The following CBL variants were observed in gnomAD, a reference collection of about 807,000 sequenced individuals.
CBL encodes E3 ubiquitin-protein ligase CBL.
In CBL, 45 loss-of-function variants were observed where a neutral mutation model predicts 96.9. The observed-to-expected ratio is 0.46, with a 90% CI of 0.37 to 0.60. The LOEUF (loss-of-function observed/expected upper bound fraction) is 0.60. Ranked by LOEUF, CBL falls within the 20% of genes least tolerant of loss-of-function variation. The pLI is 0.00. For synonymous variants in CBL, 420 were observed against 426.8 expected (o/e 0.98, Z 0.20); for missense variants, 1,024 against 1,143.5 (o/e 0.90, Z 1.51).
intron 2 of CBL, among the ~76,000 whole-genome samples, chr11:119,266,774 G>A (rs917130607): frequency 6.6e-6 from 1 of 152,186 alleles, no homozygotes; most frequent in Non-Finnish European, 1.5e-5. Context: ...AGGTTAGAGT[G>A]GAAGGCGAAT....
At position 119,305,508 on chromosome 11, in the gene CBL, A is replaced by G. The variant is rs1591274553; in HGVS notation, c.*5727A>G. 2 of 229,508 alleles carry G rather than the reference A, an allele frequency of 8.7e-6. No homozygotes were observed. The highest frequency in any genetic ancestry group is 8.6e-6 in the Non-Finnish European group (1 of 116,252). 14.2% of individuals were successfully genotyped at this position (229,508 alleles called of 1,614,324 possible). ...GCCTGTCTCCTCCACTCTCCTCCTC[A>G]CCCTCTCGCTCCTTCCTGTGTGAGG... is the stretch of plus-strand genomic sequence containing the variant. On this transcript the variant is annotated 3_prime_UTR_variant, in exon 16 of 16. Transcript: ENST00000264033.
At position 119,307,749 on chromosome 11, in the gene CBL, A is replaced by C. The variant is rs1038871548; in HGVS notation, c.*7968A>C. 4.5e-6 allele frequency: 1 copy of C among 220,718 alleles called. No homozygotes were observed. 13.7% of individuals were successfully genotyped at this position (220,718 alleles called of 1,614,324 possible). A position where few individuals can be genotyped will look rare whatever the true frequency, so the allele number is the denominator to read the frequency against. ...GAAATTCTTAGCCTGGGAGTGCTGG[A>C]GAGAACCTGATGCTTTCTCCAGAAT... is the stretch of plus-strand genomic sequence containing the variant. On this transcript the variant is annotated 3_prime_UTR_variant, in exon 16 of 16. Transcript: ENST00000264033.
intron 2 of CBL, among the ~76,000 whole-genome samples, chr11:119,238,801 A>C (rs999821421): frequency 6.6e-6 from 1 of 152,176 alleles, no homozygotes; most frequent in Non-Finnish European, 1.5e-5. Flanking sequence ...ACTGCACTCC[A>C]GGCTGGGCAA....
intron 1 of CBL, among the ~76,000 whole-genome samples, chr11:119,215,154 T>C (rs1245377254): frequency 6.6e-6 from 1 of 152,040 alleles, no homozygotes; most frequent in Admixed American, 6.6e-5. Context: ...GGGAAGAAGA[T>C]TGTATGCTCT....
At chr11:119,206,843 C>T (rs903067543) in intron 1 of CBL, among the ~76,000 whole-genome samples, 3 of 149,790 alleles carry the variant, frequency 2.0e-5, no homozygotes, top group Non-Finnish European at 4.4e-5. Context: ...TGGGGTGCCG[C>T]GTTTGGGGTA....
At chr11:119,235,361 C>T (rs1026910603) in intron 2 of CBL, among the ~76,000 whole-genome samples, 17 of 152,090 alleles carry the variant, frequency 1.1e-4, no homozygotes, top group Non-Finnish European at 2.2e-4. Flanking sequence ...GTGATCCGCC[C>T]GCCTTGGCCT....
At chr11:119,259,165 A>C (rs1253492495) in intron 2 of CBL, among the ~76,000 whole-genome samples, 2 of 152,084 alleles carry the variant, frequency 1.3e-5, no homozygotes, top group Admixed American at 1.3e-4. Context: ...TCACTTATCA[A>C]ATCTAGTTGT....
intron 12 of CBL, among the ~76,000 whole-genome samples, chr11:119,294,193 C>A (rs1950048376): frequency 6.6e-6 from 1 of 151,974 alleles, no homozygotes; most frequent in Admixed American, 6.6e-5. Context: ...CTTTGGGAGG[C>A]CAAGGTGGGT....
chr11:119,283,885 C>T (rs1565873750), intron 9 of CBL, among the ~76,000 whole-genome samples: 1 of 151,948 alleles, frequency 6.6e-6, no homozygotes, highest in African/African-American at 2.4e-5. Flanking sequence ...GATCCACCCG[C>T]CTCAGCCTCC....
At chr11:119,216,551 T>C (rs1949362184) in intron 1 of CBL, among the ~76,000 whole-genome samples, 1 of 151,904 alleles carries the variant, frequency 6.6e-6, no homozygotes, top group South Asian at 2.1e-4. Context: ...TTTGTATTTT[T>C]AGTAGAGATG....
intron 10 of CBL, 28 bp from the exon 11 acceptor site, chr11:119,285,161 C>G (rs751235979): frequency 6.2e-7 from 1 of 1,614,166 alleles, no homozygotes; most frequent in Admixed American, 1.7e-5. Flanking sequence ...TGGGTTTTTA[C>G]TGATTTGCTT....
In CBL at chr11:119,307,920, G is replaced by A. The variant is rs947096933; in HGVS notation, c.*8139G>A. 1.0e-5 allele frequency: 2 copies of A among 199,792 alleles called. No individual in the cohort carries two copies. Among genetic ancestry groups the A allele is most frequent in the Non-Finnish European group, 2.1e-5 (2 of 96,574 alleles). 12.4% of individuals were successfully genotyped at this position (199,792 alleles called of 1,614,324 possible). ...AATCATTCTCACCTGTAAAGAATAA[G>A]AAAAACAGAAGGTAAATATTCTTAC... On this transcript the variant is annotated 3_prime_UTR_variant, in exon 16 of 16. Coordinates refer to ENST00000264033, the MANE Select transcript of CBL (RefSeq NM_005188.4).
At chr11:119,228,076 T>G (rs138607255) in intron 1 of CBL, among the ~76,000 whole-genome samples, 2 of 152,226 alleles carry the variant, frequency 1.3e-5, no homozygotes, top group African/African-American at 4.8e-5. Context: ...TTTTTCCTAT[T>G]CTAGGAGGCG....
rs751529479 is a variant in CBL at position 119,285,335 on chromosome 11, C to G, written c.1710C>G (p.Gly570=). The G allele has an allele frequency of 4.3e-6, 7 of 1,614,142 alleles. No homozygotes were observed. The South Asian group carries it at 7.7e-5, about 18-fold the overall frequency. Reference sequence around the variant, plus strand: ...GACGCCCCTTGCCTTGTACACCAGGCGACTGTCCCTCCAGAGACAAACTGC... The same window carrying G: ...GACGCCCCTTGCCTTGTACACCAGGGGACTGTCCCTCCAGAGACAAACTGC... ...PQRRPLPCTP[G]DCPSRDKLPP... Residue 570 remains glycine (G), a synonymous_variant, in exon 11 of 16, where the codon GGC becomes GGG. Coordinates refer to ENST00000264033, the MANE Select transcript of CBL (RefSeq NM_005188.4).
At chr11:119,223,343 T>G in intron 1 of CBL, among the ~76,000 whole-genome samples, 1 of 151,138 alleles carries the variant, frequency 6.6e-6, no homozygotes, top group Non-Finnish European at 1.5e-5. Context: ...TTTTAAAATT[T>G]TTGGTTTTTA....
chr11:119,246,810 T>C (rs1949635251), intron 2 of CBL, among the ~76,000 whole-genome samples: 1 of 152,238 alleles, frequency 6.6e-6, no homozygotes, highest in African/African-American at 2.4e-5. Context: ...TAACATTTTG[T>C]ACTTTAAGAT....
At chr11:119,257,862 G>A (rs368293578) in intron 2 of CBL, among the ~76,000 whole-genome samples, 10 of 152,194 alleles carry the variant, frequency 6.6e-5, no homozygotes, top group African/African-American at 2.2e-4. Flanking sequence ...TTGGTTTTAA[G>A]TATTTGGCTT....
At chr11:119,229,097 G>T (rs188659118) in intron 1 of CBL, among the ~76,000 whole-genome samples, 50 of 152,144 alleles carry the variant, frequency 3.3e-4, no homozygotes, top group Middle Eastern at 3.4e-3. Context: ...GTTTTTGCTA[G>T]ATCTTAATCT....
Position 119,278,626 on chromosome 11 carries a change from G to C in CBL, c.1344G>C (p.Glu448Asp). 1 of 1,614,046 alleles carries C rather than the reference G, an allele frequency of 6.2e-7. No homozygotes were observed. Among genetic ancestry groups the C allele is most frequent in the Non-Finnish European group, 8.5e-7 (1 of 1,179,954 alleles). ...GCAGCCTGTTGAGGCAAGGAGCAGA[G>C]GGAGCTCCCTCCCCAAATTATGATG... Reference protein sequence around the residue: ...GSGSLLRQGAEGAPSPNYDDD... With the variant: ...GSGSLLRQGADGAPSPNYDDD... The change falls in exon 9 of 16, where the codon GAG (glutamate) becomes GAC (aspartate). Residue 448 changes from glutamate (E) to aspartate (D), a missense_variant. Glu to Asp is a conservative substitution (Grantham distance 45). This residue lies in a region of CBL where 695 missense variants were observed against 661.6 expected (regional missense o/e 1.05). Coordinates refer to ENST00000264033, the MANE Select transcript of CBL (RefSeq NM_005188.4).
Sources: gnomAD v4.1 joint callset for allele counts (sites outside exome capture counted in the v4.1 genomes callset) on GRCh38, gnomAD v4.1.1 for gene constraint, gnomAD v4.1.1 regional missense constraint, MANE v1.5 for transcripts, NCBI Gene and HGNC (gene_info 2026-07-23, HGNC 2026-07-21) for gene names.